DMD: variants seen among roughly 807,000 people sequenced by gnomAD.
The protein encoded by DMD is mutant dystrophin.
DMD carries 63 observed loss-of-function variants against 330.1 expected under a neutral mutation model. The ratio of observed to expected loss-of-function variants is 0.19; its 90% CI spans 0.16 to 0.24. The LOEUF (loss-of-function observed/expected upper bound fraction) is 0.24. Among genes scored for constraint, DMD ranks in the 10% least tolerant of loss-of-function variants. DMD has a pLI of 1.00. For missense variants in DMD, 3,344 were observed against 2,684.1 expected, an observed-to-expected ratio of 1.25 and a Z score of -5.43; for synonymous variants, 1,223 against 959.8, an observed-to-expected ratio of 1.27 and a Z score of -5.07.
intron 43 of DMD, among the ~76,000 whole-genome samples, chrX:32,285,345 G>A (rs1019838596): frequency 3.6e-5 from 4 of 112,221 alleles, no homozygotes; most frequent in Non-Finnish European, 5.6e-5. Flanking sequence ...GGAGTAGCCC[G>A]CAGAGCCTCA....
intron 1 of DMD, among the ~76,000 whole-genome samples, chrX:33,171,951 C>T (rs764890691): frequency 4.7e-4 from 52 of 111,001 alleles, no homozygotes; most frequent in Non-Finnish European, 8.5e-4. Context: ...ATGTTCTAAC[C>T]AGGTCATCCT....
chrX:32,096,846 C>T (rs2096510405), intron 44 of DMD, among the ~76,000 whole-genome samples: 1 of 111,681 alleles, frequency 9.0e-6, no homozygotes, highest in South Asian at 3.8e-4. Flanking sequence ...TCCAGATGAC[C>T]AAACTCCTCT....
intron 7 of DMD, among the ~76,000 whole-genome samples, chrX:32,718,756 A>T (rs112604606): frequency 0.06 from 6,698 of 112,061 alleles, 464 homozygotes; most frequent in African/African-American, 0.21. Context: ...AATATGTCAC[A>T]TAAAAACATC....
At chrX:32,714,492 C>A (rs890984164) in intron 7 of DMD, among the ~76,000 whole-genome samples, 1 of 111,857 alleles carries the variant, frequency 8.9e-6, no homozygotes, top group Non-Finnish European at 1.9e-5. Flanking sequence ...CTGCAAAAGA[C>A]ATAATTTTAT....
intron 44 of DMD, among the ~76,000 whole-genome samples, chrX:32,050,589 T>G (rs1164163367): frequency 9.0e-6 from 1 of 111,581 alleles, no homozygotes; most frequent in Non-Finnish European, 1.9e-5. Context: ...GTGCCTTTAT[T>G]GTAGTAAGGA....
chrX:31,801,226 T>C (rs28845873), intron 50 of DMD, among the ~76,000 whole-genome samples: 12,457 of 111,284 alleles, frequency 0.11, 540 homozygotes, highest in South Asian at 0.18. Flanking sequence ...AAGGCACCTT[T>C]TCACAGGGTG....
intron 55 of DMD, among the ~76,000 whole-genome samples, chrX:31,553,977 A>C: frequency 8.9e-6 from 1 of 112,644 alleles, no homozygotes; most frequent in Non-Finnish European, 1.9e-5. Context: ...ATGAATACAT[A>C]TTTACATAAA....
At chrX:32,817,475 G>C (rs1225578192) in intron 5 of DMD, among the ~76,000 whole-genome samples, 2 of 111,797 alleles carry the variant, frequency 1.8e-5, no homozygotes, top group Non-Finnish European at 3.8e-5. Context: ...TTTTTTCTAA[G>C]TTTCATGAAT....
At chrX:31,607,870 T>C (rs766629099) in intron 55 of DMD, among the ~76,000 whole-genome samples, 3 of 112,083 alleles carry the variant, frequency 2.7e-5, no homozygotes, top group Non-Finnish European at 5.6e-5. Flanking sequence ...AATCCAATTA[T>C]TCAAAAGGCA....
intron 34 of DMD, among the ~76,000 whole-genome samples, chrX:32,379,184 G>C (rs779524016): frequency 1.8e-5 from 2 of 108,899 alleles, no homozygotes; most frequent in East Asian, 5.7e-4. Flanking sequence ...TATAAAGAAA[G>C]AAAATAAATG....
chrX:31,121,935 A>AAAAC lies in DMD; in HGVS notation c.11047-9_11047-6dup. ...AAAGACTTCCTACATTGTGTCCTGG[A>AAAAC]AAACAAAGAGAAAGAAAGACAGACT... On this transcript the variant is annotated splice_region_variant and splice_polypyrimidine_tract_variant and intron_variant, in intron 78 of 78. Coordinates refer to ENST00000357033, the MANE Select transcript of DMD (RefSeq NM_004006.3). The AAAAC allele has an allele frequency of 8.5e-7, 1 of 1,179,953 alleles. No homozygotes were observed. The highest frequency in any genetic ancestry group is 1.2e-6 in the Non-Finnish European group (1 of 867,287).
intron 50 of DMD, among the ~76,000 whole-genome samples, chrX:31,813,545 G>A (rs1036536748): frequency 6.2e-5 from 7 of 112,089 alleles, no homozygotes; most frequent in Non-Finnish European, 1.3e-4. Flanking sequence ...TTCGCCTTCT[G>A]CCATGATTGT....
chrX:33,062,181 G>A (rs2094589189), intron 1 of DMD, among the ~76,000 whole-genome samples: 1 of 111,837 alleles, frequency 8.9e-6, no homozygotes, highest in South Asian at 3.7e-4. Context: ...TTCCAGAAAA[G>A]GAAAGAATCC....
intron 4 of DMD, among the ~76,000 whole-genome samples, chrX:32,831,131 A>AC: frequency 9.1e-6 from 1 of 110,459 alleles, no homozygotes; most frequent in East Asian, 2.8e-4. Flanking sequence ...CAGGTACTCT[A>AC]CCTCCTAAAT....
chrX:32,704,576 G>C (rs1477809583), intron 7 of DMD, among the ~76,000 whole-genome samples: 1 of 112,240 alleles, frequency 8.9e-6, no homozygotes, highest in African/African-American at 3.2e-5. Context: ...TTCAAAGATA[G>C]CAGGTATAAA....
chrX:31,323,469 T>C, intron 62 of DMD, 129 bp downstream of exon 62: 1 of 589,433 alleles, frequency 1.7e-6, no homozygotes, highest in South Asian at 2.7e-5. Flanking sequence ...TATCCAAGCT[T>C]CCTCAGGAAA....
intron 62 of DMD, among the ~76,000 whole-genome samples, chrX:31,268,907 G>A (rs949200763): frequency 2.7e-5 from 3 of 111,616 alleles, no homozygotes; most frequent in East Asian, 5.6e-4. Flanking sequence ...GTTCTGACAC[G>A]CTTCTCTATA....
At chrX:32,516,396 A>C (rs2045863862) in intron 18 of DMD, among the ~76,000 whole-genome samples, 2 of 111,971 alleles carry the variant, frequency 1.8e-5, no homozygotes, top group South Asian at 7.4e-4. Flanking sequence ...AGGTATCAGA[A>C]AACCAGTTAT....
rs2059642413 is a variant in DMD, at chrX:32,644,165, C to A, written c.1298G>T (p.Cys433Phe). Residue 433 changes from cysteine (C) to phenylalanine (F), a missense_variant, in exon 11 of 79, where the codon TGC (cysteine) becomes TTC (phenylalanine). Cys to Phe is a radical substitution (Grantham distance 205). Transcript: ENST00000357033. ...QMNLLNSRWE[C>F]LRVASMEKQS... ...TTTTTCCATGCTAGCTACCCTGAGG[C>A]ATTCCCATCTTGAATTTAGGAGATT... 1 of 1,210,356 alleles carries A rather than the reference C, an allele frequency of 8.3e-7. No individual in the cohort carries two copies. Among genetic ancestry groups the A allele is most frequent in the Non-Finnish European group, 1.1e-6 (1 of 894,564 alleles).
Sources: allele counts gnomAD v4.1 joint callset (sites outside exome capture counted in the v4.1 genomes callset), GRCh38; gene constraint gnomAD v4.1.1; transcripts MANE v1.5; gene names NCBI Gene and HGNC (gene_info 2026-07-23, HGNC 2026-07-21).